The following BMPER variants were observed in gnomAD, a reference collection of about 807,000 sequenced individuals.
The protein encoded by BMPER is BMP binding endothelial regulator, also known as BMP-binding endothelial regulator protein.
In BMPER, 45 loss-of-function variants were observed where a neutral mutation model predicts 87.3. The ratio of observed to expected loss-of-function variants is 0.52; its 90% CI spans 0.41 to 0.66. BMPER has a LOEUF of 0.66. BMPER is among the 30% of genes least tolerant of loss of function. BMPER has a pLI of 0.00. For missense variants in BMPER, 784 were observed against 867.5 expected (o/e 0.90, Z 1.21); for synonymous variants, 326 against 316.2 (o/e 1.03, Z -0.33).
chr7:34,150,664 A>G (rs893316601), intron 14 of BMPER, among the ~76,000 whole-genome samples: 1 of 152,160 alleles, frequency 6.6e-6, no homozygotes, highest in Admixed American at 6.5e-5. Context: ...AAAGATTATC[A>G]CAGAAGCCTA....
chr7:34,151,000 G>C (rs1791161344), intron 14 of BMPER, among the ~76,000 whole-genome samples: 1 of 152,180 alleles, frequency 6.6e-6, no homozygotes, highest in Admixed American at 6.5e-5. Flanking sequence ...TGGGAATTCA[G>C]TTGGAAAGGT....
intron 13 of BMPER, among the ~76,000 whole-genome samples, chr7:34,089,730 T>A (rs371923664): frequency 3.3e-5 from 5 of 152,274 alleles, no homozygotes; most frequent in South Asian, 2.1e-4. Flanking sequence ...GTGATCTGCC[T>A]GCCTCAGCCT....
chr7:34,082,918 T>TA (rs1286656303), intron 12 of BMPER, among the ~76,000 whole-genome samples: 1 of 152,234 alleles, frequency 6.6e-6, no homozygotes, highest in African/African-American at 2.4e-5. Flanking sequence ...CTGTAAAAGT[T>TA]AGACTTTGTA....
chr7:34,096,923 C>G lies in BMPER; in HGVS notation c.1745+10831C>G, dbSNP rs1239961999. Among the ~76,000 whole-genome samples the G allele has an allele frequency of 7.2e-5, 11 of 152,176 alleles. No homozygotes were observed. In the South Asian group the frequency reaches 2.1e-3, roughly 29 times the overall value. The stretch of plus-strand genomic sequence containing the variant: ...GTGATTGATTGATTAAATAAGACAC[C>G]AGGCACTGTTCAAGGTGCTGGAATT... On this transcript the variant is annotated intron_variant, in intron 13 of 14. Transcript: ENST00000649409.
In BMPER at chr7:33,906,118, T is replaced by C. The variant is rs948867455; in HGVS notation, c.133+372T>C. 2.6e-5 allele frequency among the ~76,000 whole-genome samples: 4 copies of C among 152,328 alleles called. No homozygotes were observed. In the South Asian group the frequency reaches 6.2e-4, roughly 24 times the overall value. ...TTCTCATCTTTGGGGTTGCAATACATCCACTGTGCTAGGAGTGCTTTTTAA... is the reference window on the plus strand; with the variant it reads ...TTCTCATCTTTGGGGTTGCAATACACCCACTGTGCTAGGAGTGCTTTTTAA... On this transcript the variant is annotated intron_variant, in intron 1 of 14. Coordinates refer to ENST00000649409, the MANE Select transcript of BMPER (RefSeq NM_001365308.1).
At chr7:34,055,435 T>A in intron 9 of BMPER, 132 bp downstream of exon 9, 3 of 1,101,726 alleles carry the variant, frequency 2.7e-6, no homozygotes, top group Non-Finnish European at 4.0e-6. Context: ...GTGCATATAT[T>A]AATAGAATGT....
intron 6 of BMPER, among the ~76,000 whole-genome samples, chr7:34,036,893 A>G (rs921965555): frequency 2.0e-5 from 3 of 152,212 alleles, no homozygotes; most frequent in Non-Finnish European, 4.4e-5. Context: ...AACGTAAAAG[A>G]AAACAAACAC....
rs776036476 is a variant in BMPER, at chr7:33,957,466, A to T, written c.320-9013A>T. ...AGAGACAGAAGCAAGAAGCAAACTGAGTGTTGCTATAAACGAATAGCCTGA... is the reference window on the plus strand; with the variant it reads ...AGAGACAGAAGCAAGAAGCAAACTGTGTGTTGCTATAAACGAATAGCCTGA... On this transcript the variant is annotated intron_variant, in intron 3 of 14. Coordinates refer to ENST00000649409, the MANE Select transcript of BMPER (RefSeq NM_001365308.1). Among the ~76,000 whole-genome samples the T allele has an allele frequency of 4.0e-5, 6 of 151,714 alleles. No homozygotes were observed. In the South Asian group the frequency reaches 6.3e-4, roughly 16 times the overall value.
chr7:33,972,156 G>A (rs1447818199), intron 5 of BMPER, among the ~76,000 whole-genome samples: 1 of 152,050 alleles, frequency 6.6e-6, no homozygotes, highest in African/African-American at 2.4e-5. Flanking sequence ...ACCCTCCTTG[G>A]CCTCCCAAAG....
At chr7:33,926,226 T>G (rs1407338471) in intron 2 of BMPER, among the ~76,000 whole-genome samples, 1 of 152,236 alleles carries the variant, frequency 6.6e-6, no homozygotes, top group East Asian at 1.9e-4. Context: ...TTTGGTCAGA[T>G]AGATCTGAAA....
At chr7:34,089,690 G>T (rs902624499) in intron 13 of BMPER, among the ~76,000 whole-genome samples, 1 of 151,902 alleles carries the variant, frequency 6.6e-6, no homozygotes, top group Non-Finnish European at 1.5e-5. Flanking sequence ...CACCATGTTG[G>T]CCAGGCTGAT....
intron 13 of BMPER, among the ~76,000 whole-genome samples, chr7:34,091,433 G>A (rs1789376919): frequency 6.6e-6 from 1 of 152,148 alleles, no homozygotes; most frequent in African/African-American, 2.4e-5. Context: ...TTTAAAGTGT[G>A]ACATTGTATG....
intron 6 of BMPER, among the ~76,000 whole-genome samples, chr7:33,993,916 C>G (rs1402536809): frequency 6.6e-6 from 1 of 152,152 alleles, no homozygotes; most frequent in Admixed American, 6.5e-5. Flanking sequence ...GAGGGTGCCT[C>G]CCAGTTAGGC....
At chr7:33,941,806 C>G (rs1784774400) in intron 3 of BMPER, among the ~76,000 whole-genome samples, 1 of 152,206 alleles carries the variant, frequency 6.6e-6, no homozygotes, top group Non-Finnish European at 1.5e-5. Context: ...TTACAAGGTA[C>G]AGACCAGTAC....
chr7:34,022,721 AAAAG>A (rs1234855038), intron 6 of BMPER, among the ~76,000 whole-genome samples: 4 of 151,782 alleles, frequency 2.6e-5, no homozygotes, highest in South Asian at 2.1e-4. Flanking sequence ...AAAAAAAAAA[AAAAG>A]GAAGAGGAGA....
At chr7:34,092,556 G>A (rs1350472068) in intron 13 of BMPER, among the ~76,000 whole-genome samples, 1 of 152,134 alleles carries the variant, frequency 6.6e-6, no homozygotes, top group Non-Finnish European at 1.5e-5. Flanking sequence ...CATCCCTTTT[G>A]CCCTGTCATT....
intron 2 of BMPER, among the ~76,000 whole-genome samples, chr7:33,917,075 T>G (rs1220342091): frequency 5.3e-5 from 8 of 152,242 alleles, no homozygotes; most frequent in African/African-American, 1.7e-4. Flanking sequence ...TTCCCTTTTA[T>G]AGAAGTAGAC....
intron 3 of BMPER, among the ~76,000 whole-genome samples, chr7:33,951,191 G>C (rs554086603): frequency 6.6e-6 from 1 of 151,934 alleles, no homozygotes; most frequent in African/African-American, 2.4e-5. Flanking sequence ...GGGACTACAG[G>C]CATGCACCAC....
Position 33,918,860 on chromosome 7 carries a change from C to T in BMPER, c.219+11957C>T, listed in dbSNP as rs1331631474. Among the ~76,000 whole-genome samples, 3 of 152,196 alleles carry T rather than the reference C, an allele frequency of 2.0e-5. No individual in the cohort carries two copies. In the East Asian group the frequency reaches 5.8e-4, roughly 29 times the overall value. ...AGTACCAGGATGAAATTCCTTGTCC[C>T]TTAGAGGTGACTCAAATGAGAAGTT... is the stretch of plus-strand genomic sequence containing the variant. On this transcript the variant is annotated intron_variant, in intron 2 of 14. Transcript: ENST00000649409.
Sources: gnomAD v4.1 joint callset for allele counts (sites outside exome capture counted in the v4.1 genomes callset) on GRCh38, gnomAD v4.1.1 for gene constraint, MANE v1.5 for transcripts, NCBI Gene and HGNC (gene_info 2026-07-23, HGNC 2026-07-21) for gene names.